The following MLANA variants were observed in gnomAD, a reference collection of about 807,000 sequenced individuals.
MLANA encodes melanoma antigen recognized by T-cells 1.
In MLANA, 21 loss-of-function variants were observed where a neutral mutation model predicts 15.7. The observed-to-expected ratio is 1.33, with a 90% CI of 0.95 to 1.92. MLANA has a LOEUF of 1.92. Among genes scored for constraint, MLANA ranks in the 40% most tolerant of loss-of-function variants. MLANA has a pLI of 0.00. For synonymous variants in MLANA, 56 were observed against 51.5 expected (o/e 1.09, Z -0.37); for missense variants, 164 against 143.8 (o/e 1.14, Z -0.72).
At chr9:5,897,765 T>C in intron 3 of MLANA, 112 bp downstream of exon 3, 1 of 935,438 alleles carries the variant, frequency 1.1e-6, no homozygotes, top group Non-Finnish European at 1.7e-6. Flanking sequence ...CCTTCAGCTC[T>C]GATTCCGGCT....
intron 3 of MLANA, among the ~76,000 whole-genome samples, chr9:5,899,746 C>A (rs1048724322): frequency 6.6e-6 from 1 of 152,190 alleles, no homozygotes; most frequent in East Asian, 1.9e-4. Context: ...CCGCTTTCCC[C>A]TATGTATGAA....
At chr9:5,897,429 A>G (rs960285066) in intron 2 of MLANA, 128 bp from the exon 3 acceptor site, 1 of 812,424 alleles carries the variant, frequency 1.2e-6, no homozygotes, top group Non-Finnish European at 2.1e-6. Flanking sequence ...GTGGGAAACT[A>G]CTTGGACACT....
In MLANA at chr9:5,908,346, T is replaced by C. The variant is rs147422853; in HGVS notation, c.289-294T>C. On this transcript the variant is annotated intron_variant, in intron 4 of 4. Coordinates refer to ENST00000381477, the MANE Select transcript of MLANA (RefSeq NM_005511.2). ...TATGGTGTCTATAAATAGCATTCAA[T>C]GATTCGTTAGTTAGGGCTTGAGACT... is the stretch of plus-strand genomic sequence containing the variant. 5.9e-4 allele frequency among the ~76,000 whole-genome samples: 90 copies of C among 152,358 alleles called. 1 individual carries two copies. The highest frequency in any genetic ancestry group is 1.1e-3 in the Non-Finnish European group (75 of 68,038).
chr9:5,899,655 T>G (rs116123194), intron 3 of MLANA, among the ~76,000 whole-genome samples: 2 of 152,208 alleles, frequency 1.3e-5, no homozygotes, highest in African/African-American at 4.8e-5. Flanking sequence ...ATCTCTGCCA[T>G]AGAACTCCAT....
At chr9:5,901,899 A>G (rs1002304340) in intron 3 of MLANA, among the ~76,000 whole-genome samples, 1 of 152,104 alleles carries the variant, frequency 6.6e-6, no homozygotes, top group Non-Finnish European at 1.5e-5. Flanking sequence ...CCTTTTATAC[A>G]TTGTTAGTTT....
intron 3 of MLANA, among the ~76,000 whole-genome samples, chr9:5,899,878 G>A (rs979884637): frequency 1.1e-4 from 16 of 152,278 alleles, no homozygotes; most frequent in African/African-American, 3.4e-4. Context: ...CCATTGAGTT[G>A]CTTGGAGACT....
At chr9:5,892,273 G>T (rs926044635) in intron 1 of MLANA, among the ~76,000 whole-genome samples, 177 bp from the exon 2 acceptor site, 1 of 152,136 alleles carries the variant, frequency 6.6e-6, no homozygotes, top group African/African-American at 2.4e-5. Context: ...CTGAGCTATT[G>T]CTAAAGCCCT....
At chr9:5,905,183 T>C (rs1357146853) in intron 3 of MLANA, among the ~76,000 whole-genome samples, 4 of 152,244 alleles carry the variant, frequency 2.6e-5, no homozygotes, top group Non-Finnish European at 4.4e-5. Context: ...ATAGGCATTA[T>C]GAGTATCTTA....
chr9:5,893,467 G>T (rs1831791615), intron 2 of MLANA, among the ~76,000 whole-genome samples: 1 of 152,196 alleles, frequency 6.6e-6, no homozygotes, highest in Non-Finnish European at 1.5e-5. Context: ...GCCCAACAAA[G>T]GCACTGAGGA....
chr9:5,895,620 T>A (rs1436032817), intron 2 of MLANA, among the ~76,000 whole-genome samples: 1 of 152,226 alleles, frequency 6.6e-6, no homozygotes, highest in East Asian at 1.9e-4. Flanking sequence ...GTTCTCACAG[T>A]TGGGTGGACA....
In MLANA at chr9:5,892,437, C is replaced by T; in HGVS notation, c.-25-13C>T. The T allele has an allele frequency of 6.3e-7, 1 of 1,588,276 alleles. No homozygotes were observed. ...TGGATGCATTAATGATGCCCACATG[C>T]TCCTTCTGTTAGGTGTCCTGTGCCC... On this transcript the variant is annotated splice_polypyrimidine_tract_variant and intron_variant, in intron 1 of 4. Coordinates refer to ENST00000381477, the MANE Select transcript of MLANA (RefSeq NM_005511.2).
At chr9:5,899,349 T>G (rs1832262264) in intron 3 of MLANA, 1 of 152,194 alleles carries the variant, frequency 6.6e-6, no homozygotes. Flanking sequence ...ATTCTTTCCC[T>G]CTTTGCCAAG....
At chr9:5,902,030 G>C (rs1210492948) in intron 3 of MLANA, among the ~76,000 whole-genome samples, 3 of 152,014 alleles carry the variant, frequency 2.0e-5, no homozygotes, top group African/African-American at 7.2e-5. Context: ...ATAGCAATGA[G>C]TTACAAAGTA....
At chr9:5,897,691 C>A (rs1478984260) in intron 3 of MLANA, 38 bp downstream of exon 3, 2 of 1,533,920 alleles carry the variant, frequency 1.3e-6, no homozygotes, top group East Asian at 4.5e-5. Context: ...CCTCCAAGTC[C>A]AGGGCCCTCT....
At chr9:5,891,688 T>G (rs1239295288) in intron 1 of MLANA, among the ~76,000 whole-genome samples, 2 of 152,222 alleles carry the variant, frequency 1.3e-5, no homozygotes, top group Non-Finnish European at 2.9e-5. Flanking sequence ...ATATTTTTTG[T>G]TGTTCATTTG....
chr9:5,904,158 C>T (rs917368512), intron 3 of MLANA, among the ~76,000 whole-genome samples: 1 of 151,662 alleles, frequency 6.6e-6, no homozygotes, highest in Non-Finnish European at 1.5e-5. Flanking sequence ...CATGCCTGGC[C>T]TCTATCCACT....
intron 3 of MLANA, among the ~76,000 whole-genome samples, chr9:5,906,179 T>A (rs939101119): frequency 6.9e-6 from 1 of 145,180 alleles, no homozygotes; most frequent in Middle Eastern, 3.3e-3. Flanking sequence ...AGCAAGATCA[T>A]GTCTCTTAAA....
intron 2 of MLANA, among the ~76,000 whole-genome samples, chr9:5,895,225 A>G (rs1831934841): frequency 1.3e-5 from 2 of 152,214 alleles, no homozygotes; most frequent in Admixed American, 6.5e-5. Flanking sequence ...TACATGGAAC[A>G]TCATCATCTT....
intron 2 of MLANA, among the ~76,000 whole-genome samples, chr9:5,893,054 T>C (rs1466912821): frequency 2.6e-5 from 4 of 152,186 alleles, no homozygotes; most frequent in East Asian, 1.9e-4. Flanking sequence ...AGGAAAGACA[T>C]TGGGTTTTAT....
Sources: gnomAD v4.1 joint callset for allele counts (sites outside exome capture counted in the v4.1 genomes callset) on GRCh38, gnomAD v4.1.1 for gene constraint, MANE v1.5 for transcripts, NCBI Gene and HGNC (gene_info 2026-07-23, HGNC 2026-07-21) for gene names.